Variants in MINK1 observed in about 807,000 individuals in gnomAD.
MINK1 encodes misshapen-like kinase 1.
Under a neutral mutation model 178.4 loss-of-function variants are expected in MINK1, and 46 were observed. The observed-to-expected ratio is 0.26, with a 90% CI of 0.20 to 0.33. The LOEUF (loss-of-function observed/expected upper bound fraction) is 0.33, where lower values mean the gene tolerates loss of function less well. Ranked by LOEUF, MINK1 falls within the 10% of genes least tolerant of loss-of-function variation. The pLI, the probability that MINK1 is intolerant of heterozygous loss-of-function variation, is 1.00. For synonymous variants in MINK1, 797 were observed against 709.7 expected, an observed-to-expected ratio of 1.12 and a Z score of -1.96; for missense variants, 1,366 against 1,814.9, an observed-to-expected ratio of 0.75 and a Z score of 4.49.
chr17:4,868,872 C>T (rs529772915), intron 1 of MINK1: 7 of 318,488 alleles, frequency 2.2e-5, no homozygotes, highest in South Asian at 1.1e-4. Flanking sequence ...ACCTCAGCCT[C>T]CTAAGTAGCT....
intron 1 of MINK1, among the ~76,000 whole-genome samples, chr17:4,846,079 C>T (rs1910982915): frequency 6.6e-6 from 1 of 152,224 alleles, no homozygotes; most frequent in Non-Finnish European, 1.5e-5. Flanking sequence ...CACTTATTCT[C>T]CAGGTGGCCC....
In MINK1 at chr17:4,833,695, G is replaced by A. The variant is rs1908829071; in HGVS notation, c.57+55G>A. ...GGTTCCTGTCCCCGCCGCAGGGGAGGGAGCGGGGTGGCTGCACGCCTCACG... is the reference window on the plus strand; with the variant it reads ...GGTTCCTGTCCCCGCCGCAGGGGAGAGAGCGGGGTGGCTGCACGCCTCACG... On this transcript the variant is annotated intron_variant, in intron 1 of 31. Transcript: ENST00000355280. The surrounding 1 kb of genome is among the most constrained non-coding windows in gnomAD (Gnocchi z 4.8). 2 of 1,386,648 alleles carry A rather than the reference G, an allele frequency of 1.4e-6. No individual in the cohort carries two copies. The highest frequency in any genetic ancestry group is 2.7e-5 in the Admixed American group (1 of 37,696). 85.9% of individuals were successfully genotyped at this position (1,386,648 alleles called of 1,614,324 possible). A position where few individuals can be genotyped will look rare whatever the true frequency, so the allele number is the denominator to read the frequency against.
chr17:4,884,509 G>A (rs2302321), intron 5 of MINK1, 36 bp downstream of exon 5: 122,978 of 1,471,104 alleles, frequency 0.084, 5,644 homozygotes, highest in Non-Finnish European at 0.092. Flanking sequence ...CTTCTCCTCC[G>A]CTACCCTGGC....
In MINK1 at chr17:4,887,522, G is replaced by A. The variant is rs1968329757; in HGVS notation, c.1020-58G>A. ...CCCACTCAGGCGGGCCCACGGGGTT[G>A]AGAGTGGGAACCAACAGGGTTCTGA... On this transcript the variant is annotated intron_variant, in intron 11 of 31. Transcript: ENST00000355280. This position sits in a 1 kb window ranked among gnomAD's most constrained non-coding sequence, Gnocchi z 7.6. The A allele has an allele frequency of 1.4e-6, 2 of 1,423,556 alleles. No homozygotes were observed. Among genetic ancestry groups the A allele is most frequent in the Non-Finnish European group, 1.9e-6 (2 of 1,073,208 alleles). 88.2% of individuals were successfully genotyped at this position (1,423,556 alleles called of 1,614,324 possible).
At chr17:4,881,965 A>C (rs1967744293) in intron 4 of MINK1, among the ~76,000 whole-genome samples, 2 of 152,284 alleles carry the variant, frequency 1.3e-5, no homozygotes, top group African/African-American at 4.8e-5. Context: ...CCCAACAGCC[A>C]TTCAGAGAAG....
chr17:4,847,230 G>GTTCA (rs59076401), intron 1 of MINK1: 65,168 of 460,806 alleles, frequency 0.14, 5,609 homozygotes, highest in East Asian at 0.33. Flanking sequence ...TTTGGTTCCA[G>GTTCA]TTCATTCATT....
chr17:4,860,783 G>A, intron 1 of MINK1: 1 of 520,088 alleles, frequency 1.9e-6, no homozygotes, highest in Non-Finnish European at 3.8e-6. Context: ...GCAGGTGGAA[G>A]GACCACGGCG....
intron 21 of MINK1, 52 bp downstream of exon 21, chr17:4,893,649 G>A: frequency 2.0e-6 from 3 of 1,495,334 alleles, no homozygotes; most frequent in Non-Finnish European, 2.7e-6. Flanking sequence ...GGAGGGAGGG[G>A]AAGTGGCAGT....
In MINK1 at chr17:4,889,675, AGCTGCAGGAGAAGGAGCAGCAGCGGCG is replaced by A; in HGVS notation, c.1264_1290del (p.Gln422_Leu430del). ...CAGCGGCGGGAGCGGGAGCAGCGGAAGCTGCAGGAGAAGGAGCAGCAGCGGCGGCTGGAGGACATGCAGGCTCTGCGG... is the reference window on the plus strand; with the variant it reads ...CAGCGGCGGGAGCGGGAGCAGCGGAAGCTGGAGGACATGCAGGCTCTGCGG... On this transcript the variant is annotated inframe_deletion, in exon 13 of 32. Coordinates refer to ENST00000355280, the MANE Select transcript of MINK1 (RefSeq NM_153827.5). 9.6e-6 allele frequency: 15 copies of A among 1,563,422 alleles called. No individual in the cohort carries two copies. Among genetic ancestry groups the A allele is most frequent in the Non-Finnish European group, 1.3e-5 (15 of 1,155,734 alleles).
At chr17:4,871,547 A>T (rs1915860163) in intron 1 of MINK1, among the ~76,000 whole-genome samples, 1 of 152,010 alleles carries the variant, frequency 6.6e-6, no homozygotes, top group African/African-American at 2.4e-5. Flanking sequence ...ATTCTATTAT[A>T]TAGATATACC....
intron 1 of MINK1, among the ~76,000 whole-genome samples, chr17:4,841,557 T>C (rs1049376979): frequency 6.1e-5 from 9 of 146,714 alleles, no homozygotes; most frequent in African/African-American, 2.2e-4. Flanking sequence ...ACTGATCACA[T>C]CATCCACTTT....
In MINK1 at chr17:4,892,477, C is replaced by G; in HGVS notation, c.2163C>G (p.Pro721=). 1 of 1,563,616 alleles carries G rather than the reference C, an allele frequency of 6.4e-7. No homozygotes were observed. Among genetic ancestry groups the G allele is most frequent in the Non-Finnish European group, 8.7e-7 (1 of 1,154,770 alleles). ...GGGGCACCCCAAAGCCTCCAGGGCCCCCTGCTCAGCCCCCTGGCCCGCCCA... is the reference window on the plus strand; with the variant it reads ...GGGGCACCCCAAAGCCTCCAGGGCCGCCTGCTCAGCCCCCTGGCCCGCCCA... ...AERGTPKPPG[P]PAQPPGPPNA... The change falls in exon 18 of 32, where the codon CCC becomes CCG. Residue 721 remains proline, a synonymous_variant. Coordinates refer to ENST00000355280, the MANE Select transcript of MINK1 (RefSeq NM_153827.5).
At chr17:4,888,625 C>T (rs754943575) in intron 12 of MINK1, among the ~76,000 whole-genome samples, 2 of 151,054 alleles carry the variant, frequency 1.3e-5, no homozygotes, top group African/African-American at 2.4e-5. Context: ...AGCAAGACTC[C>T]GTCTCCAAAA....
chr17:4,847,902 C>A (rs1010465549), intron 1 of MINK1, among the ~76,000 whole-genome samples: 1 of 151,990 alleles, frequency 6.6e-6, no homozygotes, highest in Non-Finnish European at 1.5e-5. Flanking sequence ...AAGGTCTGGG[C>A]CCAGTACAGT....
Position 4,887,767 on chromosome 17 carries a change from G to C in MINK1, c.1207G>C (p.Glu403Gln), listed in dbSNP as rs867597128. Reference protein sequence around the residue: ...QRQRRIEEQKEERRRVEEQQR... With the variant: ...QRQRRIEEQKQERRRVEEQQR... ...GCAGCGGCGCATAGAGGAGCAGAAG[G>C]AGGAGCGGCGCCGCGTGGAGGAGGT... The change falls in exon 12 of 32, where the codon GAG becomes CAG. Residue 403 changes from glutamate to glutamine, a missense_variant. Physicochemically the swap from Glu to Gln is conservative, Grantham distance 29 (BLOSUM62 2). Transcript: ENST00000355280. This position sits in a 1 kb window ranked among gnomAD's most constrained non-coding sequence, Gnocchi z 7.6. 3.1e-5 allele frequency: 47 copies of C among 1,533,992 alleles called. 1 individual carries two copies. The Middle Eastern group carries it at 1.9e-3, about 61-fold the overall frequency.
rs71367860 is a variant in MINK1, at chr17:4,873,617, C to CTTTT, written c.58-4684_58-4681dup. Reference sequence around the variant, plus strand: ...GGTCTTCGCCACTCTTTTTTCTTTTCTTTTTTTTTTTTTTTTTTTGAGAAG... The same window carrying CTTTT: ...GGTCTTCGCCACTCTTTTTTCTTTTCTTTTTTTTTTTTTTTTTTTTTTTGAGAAG... On this transcript the variant is annotated intron_variant, in intron 1 of 31. Coordinates refer to ENST00000355280, the MANE Select transcript of MINK1 (RefSeq NM_153827.5). 2.7e-3 allele frequency among the ~76,000 whole-genome samples: 289 copies of CTTTT among 108,054 alleles called. 78 individuals carry two copies. Among genetic ancestry groups the CTTTT allele is most frequent in the Middle Eastern group, 5.2e-3 (1 of 194 alleles). The allele number at this position is 108,054 out of a possible 152,430, so 70.9% of individuals were successfully genotyped here. A position where few individuals can be genotyped will look rare whatever the true frequency, so the allele number is the denominator to read the frequency against.
rs1282881992 is a variant in MINK1, at chr17:4,896,862, C to T, written c.3915+49C>T. ...AGCCCTGCTGTCCCGGCTGCCATGA[C>T]CCTAGGCCCCTGGGCAGAGTTCTGG... On this transcript the variant is annotated intron_variant, in intron 31 of 31. Coordinates refer to ENST00000355280, the MANE Select transcript of MINK1 (RefSeq NM_153827.5). The surrounding 1 kb of genome is among the most constrained non-coding windows in gnomAD (Gnocchi z 4.6). 6.6e-7 allele frequency: 1 copy of T among 1,518,620 alleles called. No homozygotes were observed. The highest frequency in any genetic ancestry group is 1.4e-5 in the African/African-American group (1 of 71,672). 94.1% of individuals were successfully genotyped at this position (1,518,620 alleles called of 1,614,324 possible).
intron 1 of MINK1, among the ~76,000 whole-genome samples, chr17:4,876,775 A>G (rs1967220403): frequency 6.6e-6 from 1 of 152,012 alleles, no homozygotes; most frequent in African/African-American, 2.4e-5. Flanking sequence ...CACCCAGTGA[A>G]ACACCAGGAC....
intron 15 of MINK1, 136 bp downstream of exon 15, chr17:4,891,260 G>T: frequency 1.7e-6 from 2 of 1,170,560 alleles, no homozygotes; most frequent in East Asian, 5.2e-5. Flanking sequence ...CAGAGCACAG[G>T]CTTTGTGGAC....
Sources: allele counts gnomAD v4.1 joint callset (sites outside exome capture counted in the v4.1 genomes callset), GRCh38; gene constraint gnomAD v4.1.1; non-coding constraint Gnocchi (gnomAD v3.1); transcripts MANE v1.5; gene names NCBI Gene and HGNC (gene_info 2026-07-23, HGNC 2026-07-21).